ABLIM3: variants seen among roughly 807,000 people sequenced by gnomAD.
ABLIM3 encodes actin binding LIM protein family member 3, also known as actin-binding LIM protein 3.
Under a neutral mutation model 109.5 loss-of-function variants are expected in ABLIM3, and 61 were observed. The observed-to-expected ratio is 0.56, with a 90% CI of 0.45 to 0.69. The LOEUF is 0.69. Ranked by LOEUF, ABLIM3 falls within the 30% of genes least tolerant of loss-of-function variation. The probability of loss-of-function intolerance (pLI) is 0.00; values close to 1 mark genes in which losing one functional copy is unlikely to be tolerated. For synonymous variants in ABLIM3, 300 were observed against 324.8 expected (o/e 0.92, Z 0.82); for missense variants, 796 against 889.5 (o/e 0.89, Z 1.34).
intron 5 of ABLIM3, 124 bp downstream of exon 5, chr5:149,200,552 C>A: frequency 7.9e-6 from 7 of 887,266 alleles, no homozygotes; most frequent in Admixed American, 2.1e-5. Flanking sequence ...AACCTGGAGG[C>A]CTCCTGCATC....
At chr5:149,220,703 C>T (rs1760556577) in intron 8 of ABLIM3, 1 of 152,222 alleles carries the variant, frequency 6.6e-6, no homozygotes, top group Non-Finnish European at 1.5e-5. Flanking sequence ...AAAGAAGTGG[C>T]TGAGAGCCAG....
intron 2 of ABLIM3, among the ~76,000 whole-genome samples, chr5:149,181,215 A>G (rs1317017755): frequency 6.6e-6 from 1 of 152,166 alleles, no homozygotes; most frequent in Non-Finnish European, 1.5e-5. Context: ...AGAGAGAGTG[A>G]AGTATTTTCC....
At chr5:149,247,480 G>A (rs944037293) in intron 17 of ABLIM3, among the ~76,000 whole-genome samples, 2 of 152,196 alleles carry the variant, frequency 1.3e-5, no homozygotes, top group African/African-American at 2.4e-5. Context: ...AAAAGAAAAA[G>A]GTGGCTATCT....
intron 8 of ABLIM3, chr5:149,218,121 T>C (rs2963497): frequency 0.5 from 75,877 of 152,160 alleles, 19,579 homozygotes; most frequent in East Asian, 0.63. Flanking sequence ...GTAGTTCATC[T>C]GGGCTGTTAT....
chr5:149,148,278 A>C (rs148137433), intron 2 of ABLIM3, among the ~76,000 whole-genome samples: 1 of 152,136 alleles, frequency 6.6e-6, no homozygotes, highest in Non-Finnish European at 1.5e-5. Flanking sequence ...GGTGGTGGGC[A>C]GACCTAGGTA....
In ABLIM3 at chr5:149,251,373, C is replaced by A; in HGVS notation, c.1803C>A (p.Asp601Glu). Residue 601 changes from aspartate to glutamate, a missense_variant, in exon 21 of 24, where the codon GAC (aspartate) becomes GAA (glutamate). Physicochemically the swap from Asp to Glu is conservative, Grantham distance 45. Transcript: ENST00000309868. ...CTCTTCTGCAGACACCCAGCGCAGA[C>A]CTCTTCCACTACGACAGCATGAACG... The part of the protein sequence containing the change: ...RNGLHRTPSA[D>E]LFHYDSMNAV... 1 of 1,614,160 alleles carries A rather than the reference C, an allele frequency of 6.2e-7. No homozygotes were observed. Among genetic ancestry groups the A allele is most frequent in the East Asian group, 2.2e-5 (1 of 44,876 alleles).
chr5:149,241,082 C>T (rs552045378), intron 14 of ABLIM3, among the ~76,000 whole-genome samples: 14 of 152,340 alleles, frequency 9.2e-5, no homozygotes, highest in Middle Eastern at 3.4e-3. Context: ...GGGCACACAG[C>T]GGTGAAGGCT....
chr5:149,234,563 G>A (rs1245499752), intron 10 of ABLIM3, among the ~76,000 whole-genome samples: 1 of 151,776 alleles, frequency 6.6e-6, no homozygotes, highest in Non-Finnish European at 1.5e-5. Context: ...TGGTCAAATG[G>A]AAAAAAAGAA....
intron 5 of ABLIM3, among the ~76,000 whole-genome samples, chr5:149,204,382 A>G (rs1758769382): frequency 1.3e-5 from 2 of 152,190 alleles, no homozygotes; most frequent in African/African-American, 2.4e-5. Flanking sequence ...CCTGGGTGGC[A>G]TGCCTGAGGC....
intron 8 of ABLIM3, among the ~76,000 whole-genome samples, chr5:149,226,947 G>A (rs1487902755): frequency 6.6e-6 from 1 of 151,852 alleles, no homozygotes; most frequent in African/African-American, 2.4e-5. Flanking sequence ...GTGCATGTCT[G>A]TAATCCCAGC....
chr5:149,194,675 C>T (rs1045758592), intron 3 of ABLIM3, among the ~76,000 whole-genome samples: 9 of 152,130 alleles, frequency 5.9e-5, no homozygotes, highest in Non-Finnish European at 1.3e-4. Context: ...GAAGCAGGCA[C>T]GGGACAATTG....
intron 10 of ABLIM3, among the ~76,000 whole-genome samples, chr5:149,236,459 A>G (rs1293147885): frequency 6.6e-6 from 1 of 152,120 alleles, no homozygotes; most frequent in Non-Finnish European, 1.5e-5. Flanking sequence ...CTTGCAAGAC[A>G]GATCCTGGTT....
At chr5:149,145,300 T>C (rs1752812746) in intron 2 of ABLIM3, among the ~76,000 whole-genome samples, 1 of 152,236 alleles carries the variant, frequency 6.6e-6, no homozygotes, top group African/African-American at 2.4e-5. Context: ...GTTGCATCTA[T>C]GTTGCTGCAA....
intron 2 of ABLIM3, among the ~76,000 whole-genome samples, chr5:149,172,465 C>T (rs1028354407): frequency 1.3e-5 from 2 of 152,176 alleles, no homozygotes; most frequent in African/African-American, 2.4e-5. Context: ...TTCTGTGGTG[C>T]ACCCCAATCC....
At chr5:149,239,150 C>G in intron 11 of ABLIM3, 98 bp from the exon 12 acceptor site, 2 of 1,232,566 alleles carry the variant, frequency 1.6e-6, no homozygotes, top group Middle Eastern at 1.9e-4. Flanking sequence ...TGCAAACCCT[C>G]TCTGCCGAGC....
Position 149,142,083 on chromosome 5 carries a change from CAA to C in ABLIM3, c.-11_-10del. On this transcript the variant is annotated 5_prime_UTR_variant, in exon 2 of 24. Transcript: ENST00000309868. The stretch of plus-strand genomic sequence containing the variant: ...TCCGTATTGAATGAAAGACCCAGTG[CAA>C]AGACATCACCATGAACACTAGCAGT... The C allele has an allele frequency of 6.7e-7, 1 of 1,502,536 alleles. No individual in the cohort carries two copies. The highest frequency in any genetic ancestry group is 2.8e-5 in the East Asian group (1 of 35,300). The allele number at this position is 1,502,536 out of a possible 1,614,324, so 93.1% of individuals were successfully genotyped here.
Position 149,240,745 on chromosome 5 carries a change from A to C in ABLIM3, c.1274A>C (p.Tyr425Ser). The change falls in exon 14 of 24, where the codon TAC becomes TCC. Residue 425 changes from tyrosine to serine, a missense_variant. Coordinates refer to ENST00000309868, the MANE Select transcript of ABLIM3 (RefSeq NM_014945.5). ...LDVRSSTPTS[Y>S]QAPKHFHIPA... ...GTGAGGTCCTCCACTCCAACCTCTT[A>C]CCAGGCTCCCAAGCACTTTCACATC... 2.5e-6 allele frequency: 4 copies of C among 1,614,094 alleles called. No homozygotes were observed. Among genetic ancestry groups the C allele is most frequent in the Non-Finnish European group, 3.4e-6 (4 of 1,180,006 alleles).
chr5:149,207,676 T>C (rs1759133109), intron 6 of ABLIM3, among the ~76,000 whole-genome samples: 1 of 152,224 alleles, frequency 6.6e-6, no homozygotes, highest in South Asian at 2.1e-4. Flanking sequence ...GCTCCAGTAA[T>C]AGTGTTTAAT....
chr5:149,217,105 G>T (rs1760173072), intron 8 of ABLIM3, 59 bp downstream of exon 8: 2 of 1,478,424 alleles, frequency 1.4e-6, no homozygotes, highest in African/African-American at 1.4e-5. Context: ...GAAAGGAGAT[G>T]CGATCTTCAG....
Sources: allele counts gnomAD v4.1 joint callset (sites outside exome capture counted in the v4.1 genomes callset), GRCh38; gene constraint gnomAD v4.1.1; transcripts MANE v1.5; gene names NCBI Gene and HGNC (gene_info 2026-07-23, HGNC 2026-07-21).